BRCA1: variants seen among roughly 807,000 people sequenced by gnomAD.
BRCA1 encodes the protein breast cancer type 1 susceptibility protein.
Under a neutral mutation model 173.7 loss-of-function variants are expected in BRCA1, and 140 were observed. The observed-to-expected ratio is 0.81, with a 90% CI of 0.70 to 0.93. The LOEUF (loss-of-function observed/expected upper bound fraction) is 0.93. Ranked by LOEUF, BRCA1 falls within the 40% of genes least tolerant of loss-of-function variation. The pLI, the probability that BRCA1 is intolerant of heterozygous loss-of-function variation, is 0.00. For missense variants in BRCA1, 1,983 were observed against 2,172.5 expected (o/e 0.91, Z 1.73); for synonymous variants, 662 against 756.0 (o/e 0.88, Z 2.04).
Position 43,082,404 on chromosome 17 carries a change from C to T in BRCA1, c.4357G>A (p.Ala1453Thr), listed in dbSNP as rs1555583984. The change falls in exon 12 of 23, where the codon GCA becomes ACA. Residue 1453 changes from alanine to threonine, a missense_variant and splice_region_variant. Coordinates refer to ENST00000357654, the MANE Select transcript of BRCA1 (RefSeq NM_007294.4). Reference sequence around the variant, plus strand: ...TCAGTGTTTGGCCAACAATACACACCTTTTTCTGATGTGCTTTGTTCTGGA... The same window carrying T: ...TCAGTGTTTGGCCAACAATACACACTTTTTTCTGATGTGCTTTGTTCTGGA... ...RNPEQSTSEK[A>T]VLTSQKSSEY... 6.2e-7 allele frequency: 1 copy of T among 1,613,470 alleles called. No homozygotes were observed. The highest frequency in any genetic ancestry group is 2.2e-5 in the East Asian group (1 of 44,848).
intron 19 of BRCA1, 42 bp downstream of exon 19, chr17:43,057,010 G>C (rs537848419): frequency 6.4e-7 from 1 of 1,570,210 alleles, no homozygotes; most frequent in Non-Finnish European, 8.8e-7. Flanking sequence ...AATACAGAGT[G>C]GTGGGGTGAG....
In BRCA1 at chr17:43,099,711, CA is replaced by C. The variant is rs2154527591; in HGVS notation, c.547+63del. 2.1e-6 allele frequency: 3 copies of C among 1,438,742 alleles called. No homozygotes were observed. The East Asian group carries it at 6.8e-5, about 33-fold the overall frequency. The allele number at this position is 1,438,742 out of a possible 1,614,324, so 89.1% of individuals were successfully genotyped here. A position where few individuals can be genotyped will look rare whatever the true frequency, so the allele number is the denominator to read the frequency against. ...TACAAATTATGACCAAGATTTTTGG[CA>C]AAACTATAAGATAAGGAATCCAGCA... On this transcript the variant is annotated intron_variant, in intron 7 of 22. Transcript: ENST00000357654.
intron 1 of BRCA1, chr17:43,167,205 A>C (rs1455922526): frequency 6.6e-6 from 1 of 152,232 alleles, no homozygotes; most frequent in East Asian, 1.9e-4. Flanking sequence ...TGCCTTGACC[A>C]TCCGCCATTC....
intron 1 of BRCA1, among the ~76,000 whole-genome samples, chr17:43,136,398 C>T (rs927445608): frequency 2.0e-5 from 3 of 152,114 alleles, no homozygotes; most frequent in Admixed American, 6.6e-5. Context: ...GACTAAAACA[C>T]CAAAAGCAGT....
At chr17:43,130,018 A>C (rs934356591), upstream of BRCA1, among the ~76,000 whole-genome samples, 3 of 152,084 alleles carry the variant, frequency 2.0e-5, no homozygotes, top group Non-Finnish European at 4.4e-5. Context: ...CTGGGGGATA[A>C]TTATCTTAGG....
At chr17:43,115,173 A>G (rs1387677440) in intron 3 of BRCA1, among the ~76,000 whole-genome samples, 1 of 152,210 alleles carries the variant, frequency 6.6e-6, no homozygotes, top group Non-Finnish European at 1.5e-5. Flanking sequence ...CACAAAAAAT[A>G]CAAAACACTG....
At chr17:43,129,669 T>A (rs1290292827), upstream of BRCA1, among the ~76,000 whole-genome samples, 1 of 152,102 alleles carries the variant, frequency 6.6e-6, no homozygotes, top group Non-Finnish European at 1.5e-5. Flanking sequence ...GAGATGGGGG[T>A]TTCACCGCGT....
In BRCA1 at chr17:43,131,984, A is replaced by G. The variant is rs560333986; in HGVS notation, c.-19-7869T>C. Among the ~76,000 whole-genome samples, 13 of 152,206 alleles carry G rather than the reference A, an allele frequency of 8.5e-5. 1 individual carries two copies. In the South Asian group the frequency reaches 1.4e-3, roughly 17 times the overall value. ...TATTTGGTAGAAATGGGGTTTCACC[A>G]TGTTGGCCAGGCTGGTTTTGAACTC... On this transcript the variant is annotated intron_variant, in intron 1 of 7. Transcript: ENST00000634433.
intron 15 of BRCA1, among the ~76,000 whole-genome samples, chr17:43,069,512 G>A (rs1048750934): frequency 6.6e-6 from 1 of 152,136 alleles, no homozygotes; most frequent in Non-Finnish European, 1.5e-5. Context: ...CAAAACAAAG[G>A]GATAAAGAAC....
intron 1 of BRCA1, among the ~76,000 whole-genome samples, chr17:43,137,950 G>C (rs538877207): frequency 6.6e-6 from 1 of 152,218 alleles, no homozygotes; most frequent in African/African-American, 2.4e-5. Context: ...CCTTTGGGAG[G>C]CTGGGGCGGG....
intron 3 of BRCA1, among the ~76,000 whole-genome samples, chr17:43,115,032 C>T (rs917591673): frequency 3.9e-5 from 6 of 152,048 alleles, no homozygotes; most frequent in African/African-American, 7.2e-5. Context: ...GATTACAAAG[C>T]GGGCAAACAC....
chr17:43,076,710 T>C (rs540330350), intron 12 of BRCA1, 96 bp from the exon 13 acceptor site: 58 of 1,455,296 alleles, frequency 4.0e-5, no homozygotes, highest in Non-Finnish European at 5.2e-5. Flanking sequence ...AGCATCAATC[T>C]ATGATACACA....
In BRCA1 at chr17:43,070,941, G is replaced by T. The variant is rs1015073230; in HGVS notation, c.4973C>A (p.Thr1658Asn). 3 of 1,614,112 alleles carry T rather than the reference G, an allele frequency of 1.9e-6. No homozygotes were observed. ...GGATACACTCACAAATTCTTCTGGG[G>T]TCAGGCCAGACACCACCATGGACAT... ...KRMSMVVSGL[T>N]PEEFMLVYKF... Residue 1658 changes from threonine to asparagine, a missense_variant, in exon 15 of 23, where the codon ACC (threonine) becomes AAC (asparagine). By Grantham distance (65) the Thr-to-Asn change is moderately conservative (BLOSUM62 0). Coordinates refer to ENST00000357654, the MANE Select transcript of BRCA1 (RefSeq NM_007294.4).
chr17:43,095,986 G>A lies in BRCA1; in HGVS notation c.594-64C>T, dbSNP rs1054128964. The A allele has an allele frequency of 2.8e-5, 38 of 1,338,216 alleles. No homozygotes were observed. In the Admixed American group the frequency reaches 6.5e-4, roughly 23 times the overall value. The allele number at this position is 1,338,216 out of a possible 1,614,324, so 82.9% of individuals were successfully genotyped here. On this transcript the variant is annotated intron_variant, in intron 8 of 22. Coordinates refer to ENST00000357654, the MANE Select transcript of BRCA1 (RefSeq NM_007294.4). ...TTACATGTATGCAGAACTGTCAAAT[G>A]ACCAAGATCAAACATTTTAGCTCTT...
intron 1 of BRCA1, among the ~76,000 whole-genome samples, chr17:43,147,680 A>G (rs978136507): frequency 6.6e-6 from 1 of 152,226 alleles, no homozygotes; most frequent in Non-Finnish European, 1.5e-5. Flanking sequence ...AAGATGAGAA[A>G]GTACTGTTTG....
At chr17:43,052,761 TGA>T (rs2051295137) in intron 19 of BRCA1, among the ~76,000 whole-genome samples, 3 of 135,388 alleles carry the variant, frequency 2.2e-5, no homozygotes, top group Non-Finnish European at 4.7e-5. Context: ...CCCTCCCCCT[TGA>T]CAGACAGACG....
intron 6 of BRCA1, among the ~76,000 whole-genome samples, chr17:43,100,678 A>ATATATATAATAT (rs1491277616): frequency 2.8e-5 from 1 of 36,280 alleles, no homozygotes; most frequent in African/African-American, 1.2e-4. Context: ...ATATATATAT[A>ATATATATAATAT]ATATATATAT....
chr17:43,130,107 G>T (rs1190028092), upstream of BRCA1, among the ~76,000 whole-genome samples: 1 of 152,206 alleles, frequency 6.6e-6, no homozygotes, highest in Non-Finnish European at 1.5e-5. Flanking sequence ...TTACAGGGCA[G>T]TGCATTACAT....
chr17:43,074,213 A>T, intron 14 of BRCA1, 118 bp downstream of exon 14: 1 of 983,322 alleles, frequency 1.0e-6, no homozygotes, highest in South Asian at 1.6e-5. Flanking sequence ...TTAATTAAGT[A>T]TAACAAAAGT....
Sources: allele counts gnomAD v4.1 joint callset (sites outside exome capture counted in the v4.1 genomes callset), GRCh38; gene constraint gnomAD v4.1.1; transcripts MANE v1.5; gene names NCBI Gene and HGNC (gene_info 2026-07-23, HGNC 2026-07-21).